The following CWF19L1 variants were observed in gnomAD, a reference collection of about 807,000 sequenced individuals.
CWF19L1 encodes CWF19 like cell cycle control factor 1.
CWF19L1 carries 60 observed loss-of-function variants against 69.7 expected under a neutral mutation model. That is an observed-to-expected ratio of 0.86 (90% CI 0.70 to 1.07). CWF19L1 has a LOEUF of 1.07. Among genes scored for constraint, CWF19L1 ranks in the 50% least tolerant of loss-of-function variants. The pLI is 0.00. For missense variants in CWF19L1, 591 were observed against 638.9 expected (o/e 0.92, Z 0.81); for synonymous variants, 209 against 222.2 (o/e 0.94, Z 0.53).
intron 7 of CWF19L1, chr10:100,248,338 C>A: frequency 1.8e-6 from 2 of 1,096,424 alleles, no homozygotes. Context: ...GTGAACTCTG[C>A]CCTATATAAT....
intron 4 of CWF19L1, among the ~76,000 whole-genome samples, chr10:100,256,729 T>G (rs1253008432): frequency 6.6e-6 from 1 of 152,190 alleles, no homozygotes; most frequent in East Asian, 1.9e-4. Flanking sequence ...TTATGCCAGG[T>G]GCCTTACAAA....
intron 1 of CWF19L1, chr10:100,262,544 A>G: frequency 1.2e-6 from 1 of 825,714 alleles, no homozygotes; most frequent in East Asian, 1.2e-4. Context: ...CAATATGCCA[A>G]GTATACTATG....
chr10:100,248,885 C>A, intron 7 of CWF19L1: 1 of 998,436 alleles, frequency 1.0e-6, no homozygotes, highest in Non-Finnish European at 1.6e-6. Flanking sequence ...AAAAAGGCAG[C>A]CATCATCTCT....
At chr10:100,252,186 C>T (rs780287186) in intron 6 of CWF19L1, among the ~76,000 whole-genome samples, 8 of 152,126 alleles carry the variant, frequency 5.3e-5, no homozygotes, top group Non-Finnish European at 1.2e-4. Flanking sequence ...CACTGGTTTT[C>T]TTGGCAGTAT....
Position 100,250,319 on chromosome 10 carries a change from G to C in CWF19L1, c.637C>G (p.Leu213Val). 1 of 1,608,232 alleles carries C rather than the reference G, an allele frequency of 6.2e-7. No homozygotes were observed. The highest frequency in any genetic ancestry group is 8.5e-7 in the Non-Finnish European group (1 of 1,175,004). Reference protein sequence around the residue: ...ERLPYRNHIILQENAQHATRF... With the variant: ...ERLPYRNHIIVQENAQHATRF... ...GTGGCATGCTGTGCATTTTCCTGTAGAATGATATGGTTTCTACAACATATT... is the reference window on the plus strand; with the variant it reads ...GTGGCATGCTGTGCATTTTCCTGTACAATGATATGGTTTCTACAACATATT... The change falls in exon 7 of 14, where the codon CTA becomes GTA. Residue 213 changes from leucine to valine, a missense_variant. Transcript: ENST00000354105.
chr10:100,256,223 T>C (rs1490985850), intron 5 of CWF19L1, 39 bp downstream of exon 5: 2 of 1,526,934 alleles, frequency 1.3e-6, no homozygotes. Flanking sequence ...GCCAGTGCAA[T>C]TTGCTTTTAG....
chr10:100,257,612 C>T (rs11190439), intron 4 of CWF19L1, among the ~76,000 whole-genome samples: 5,492 of 151,896 alleles, frequency 0.036, 130 homozygotes, highest in Middle Eastern at 0.065. Flanking sequence ...TTATTAGTTC[C>T]TTAACCCCCT....
chr10:100,247,279 T>C (rs1846857835), intron 7 of CWF19L1, among the ~76,000 whole-genome samples: 5 of 152,358 alleles, frequency 3.3e-5, no homozygotes, highest in Admixed American at 3.3e-4. Context: ...TGCTTCTGTC[T>C]CTGAGTCCCT....
At chr10:100,257,287 CTTTTTTT>C (rs55939570) in intron 4 of CWF19L1, among the ~76,000 whole-genome samples, 5,175 of 105,726 alleles carry the variant, frequency 0.049, 251 homozygotes, top group African/African-American at 0.18. Context: ...AGTGCTTTAC[CTTTTTTT>C]TTTTTTTTTT....
intron 10 of CWF19L1, 51 bp downstream of exon 10, chr10:100,243,646 TA>T: frequency 1.4e-6 from 2 of 1,470,288 alleles, no homozygotes; most frequent in Non-Finnish European, 1.9e-6. Context: ...ATAAAGTTAA[TA>T]AAAAACAAAT....
At chr10:100,266,172 A>G (rs1847574778) in intron 1 of CWF19L1, among the ~76,000 whole-genome samples, 1 of 150,432 alleles carries the variant, frequency 6.6e-6, no homozygotes, top group Middle Eastern at 3.2e-3. Flanking sequence ...TTCTTCCCAA[A>G]AGTTACCACT....
chr10:100,236,138 G>A (rs1318711), intron 12 of CWF19L1, among the ~76,000 whole-genome samples: 11,109 of 146,072 alleles, frequency 0.076, 556 homozygotes, highest in African/African-American at 0.14. Flanking sequence ...AGGGTCTTGC[G>A]ATGTTGCCCA....
At chr10:100,258,754 T>C (rs755976262) in intron 4 of CWF19L1, 3 of 151,976 alleles carry the variant, frequency 2.0e-5, no homozygotes, top group Non-Finnish European at 4.4e-5. Context: ...ATAAGACTGG[T>C]AACGGGAGGG....
Position 100,236,905 on chromosome 10 carries a change from G to C in CWF19L1, c.1319C>G (p.Ala440Gly). 1 of 1,612,332 alleles carries C rather than the reference G, an allele frequency of 6.2e-7. No homozygotes were observed. Among genetic ancestry groups the C allele is most frequent in the Non-Finnish European group, 8.5e-7 (1 of 1,179,126 alleles). Reference sequence around the variant, plus strand: ...CAACAGCTCTATCTGCTGCTCCTGTGCCTGGGTAATGAAGGCATCTTTAAT... The same window carrying C: ...CAACAGCTCTATCTGCTGCTCCTGTCCCTGGGTAATGAAGGCATCTTTAAT... The part of the protein sequence containing the change: ...DDIKDAFITQ[A>G]QEQQIELLEI... Residue 440 changes from alanine (A) to glycine (G), a missense_variant, in exon 12 of 14, where the codon GCA becomes GGA. By Grantham distance (60) the Ala-to-Gly change is moderately conservative (BLOSUM62 0). This residue lies in a region of CWF19L1 where 458 missense variants were observed against 489.3 expected (regional missense o/e 0.94). Coordinates refer to ENST00000354105, the MANE Select transcript of CWF19L1 (RefSeq NM_018294.6).
chr10:100,255,289 C>A (rs368124924), intron 5 of CWF19L1, among the ~76,000 whole-genome samples: 1 of 152,000 alleles, frequency 6.6e-6, no homozygotes, highest in Non-Finnish European at 1.5e-5. Context: ...GAGGCCAAGG[C>A]GGGTGGATCA....
chr10:100,258,906 A>G (rs1353493217), intron 4 of CWF19L1, among the ~76,000 whole-genome samples: 3 of 56,500 alleles, frequency 5.3e-5, no homozygotes, highest in African/African-American at 1.4e-4. Flanking sequence ...AAATTCAACT[A>G]AAAAAAAAAA....
rs1413225023 is a variant in CWF19L1, at chr10:100,233,292, C to T, written c.1552G>A (p.Glu518Lys). The stretch of plus-strand genomic sequence containing the variant: ...CGGAAGCGGCGAGCCAGGGTCTCCT[C>T]GTCTTCCTTGCTGATCTGACACTGC... ...WRQCQISKED[E>K]ETLARRFRKD... The change falls in exon 14 of 14, where the codon GAG (glutamate) becomes AAG (lysine). Residue 518 changes from glutamate to lysine, a missense_variant. Glu to Lys is a moderately conservative substitution (Grantham distance 56). Around this residue, in one of 3 missense-constraint regions of CWF19L1, gnomAD observed 458 missense variants for 489.3 expected, o/e 0.94. Coordinates refer to ENST00000354105, the MANE Select transcript of CWF19L1 (RefSeq NM_018294.6). The T allele has an allele frequency of 3.1e-6, 5 of 1,613,914 alleles. No homozygotes were observed. Among genetic ancestry groups the T allele is most frequent in the Admixed American group, 1.7e-5 (1 of 59,988 alleles).
chr10:100,267,147 C>CAAAA (rs56827592), intron 1 of CWF19L1, among the ~76,000 whole-genome samples: 6 of 30,780 alleles, frequency 1.9e-4, no homozygotes, highest in Admixed American at 5.4e-4. Context: ...CTCCTCCTCG[C>CAAAA]AAAAAAAAAA....
chr10:100,240,930 C>A (rs1255810934), intron 10 of CWF19L1, among the ~76,000 whole-genome samples: 1 of 150,672 alleles, frequency 6.6e-6, no homozygotes, highest in Non-Finnish European at 1.5e-5. Flanking sequence ...GGTTCTATGG[C>A]TCAGTTGTGT....
Sources: gnomAD v4.1 joint callset for allele counts (sites outside exome capture counted in the v4.1 genomes callset) on GRCh38, gnomAD v4.1.1 for gene constraint, gnomAD v4.1.1 regional missense constraint, MANE v1.5 for transcripts, NCBI Gene and HGNC (gene_info 2026-07-23, HGNC 2026-07-21) for gene names.